VAMP7: variants seen among roughly 807,000 people sequenced by gnomAD.
VAMP7 encodes the protein vesicle associated membrane protein 7.
In VAMP7, 14 loss-of-function variants were observed where a neutral mutation model predicts 29.6. The observed-to-expected ratio is 0.47, with a 90% confidence interval of 0.31 to 0.74. The LOEUF (loss-of-function observed/expected upper bound fraction) is 0.74. Ranked by LOEUF, VAMP7 falls within the 30% of genes least tolerant of loss-of-function variation. The probability of loss-of-function intolerance (pLI) is 0.05; values close to 1 mark genes in which losing one functional copy is unlikely to be tolerated. For synonymous variants in VAMP7, 95 were observed against 88.1 expected (o/e 1.08, Z -0.44); for missense variants, 223 against 262.4 (o/e 0.85, Z 1.04).
chrX:155,893,652 C>T (rs1175641661), intron 2 of VAMP7, among the ~76,000 whole-genome samples: 2 of 152,184 alleles, frequency 1.3e-5, no homozygotes, highest in Non-Finnish European at 2.9e-5. Context: ...GCTGTGTTCT[C>T]AGGTGGTGGA....
At chrX:155,899,109 T>G (rs2066025657) in intron 4 of VAMP7, among the ~76,000 whole-genome samples, 1 of 152,040 alleles carries the variant, frequency 6.6e-6, no homozygotes, top group Admixed American at 6.6e-5. Context: ...CCTCCATGTA[T>G]AAGTCTTTGT....
intron 5 of VAMP7, among the ~76,000 whole-genome samples, chrX:155,913,986 T>A (rs2066275300): frequency 6.6e-6 from 1 of 152,100 alleles, no homozygotes; most frequent in South Asian, 2.1e-4. Flanking sequence ...ATTCTTCCTA[T>A]CCATGAGCAT....
At position 155,889,700 on chromosome X, in the gene VAMP7, C is replaced by T. The variant is rs2065904606; in HGVS notation, c.146+88C>T. On this transcript the variant is annotated intron_variant, in intron 2 of 7. Transcript: ENST00000286448. ...CGGTAGAAAAGTAGAAAACAAGCTTCTAGGTACATAATTTGAATAAGCTGA... is the reference window on the plus strand; with the variant it reads ...CGGTAGAAAAGTAGAAAACAAGCTTTTAGGTACATAATTTGAATAAGCTGA... The T allele has an allele frequency of 3.5e-6, 5 of 1,414,140 alleles. No individual in the cohort carries two copies. The African/African-American group carries it at 5.7e-5, about 16-fold the overall frequency. 87.6% of individuals were successfully genotyped at this position (1,414,140 alleles called of 1,614,324 possible). A position where few individuals can be genotyped will look rare whatever the true frequency, so the allele number is the denominator to read the frequency against.
At chrX:155,903,430 A>G (rs2066098442) in intron 5 of VAMP7, among the ~76,000 whole-genome samples, 1 of 152,164 alleles carries the variant, frequency 6.6e-6, no homozygotes, top group Admixed American at 6.6e-5. Flanking sequence ...CCTACAAAAT[A>G]GGAGAAAATT....
intron 7 of VAMP7, among the ~76,000 whole-genome samples, chrX:155,940,620 A>G (rs978734558): frequency 6.6e-6 from 1 of 152,180 alleles, no homozygotes; most frequent in Non-Finnish European, 1.5e-5. Context: ...TTTACTGATT[A>G]CTTATTACAT....
chrX:155,916,204 C>G (rs2066310595), intron 5 of VAMP7, among the ~76,000 whole-genome samples: 1 of 151,996 alleles, frequency 6.6e-6, no homozygotes, highest in Admixed American at 6.6e-5. Flanking sequence ...TTTCCATTTG[C>G]TTAGTAAATA....
chrX:155,899,460 T>TA (rs946553807), intron 4 of VAMP7, among the ~76,000 whole-genome samples: 9 of 151,836 alleles, frequency 5.9e-5, no homozygotes, highest in African/African-American at 1.4e-4. Context: ...GTTGTGAGTT[T>TA]AAAAAAAAGC....
At chrX:155,897,502 C>T (rs1283325579) in intron 3 of VAMP7, among the ~76,000 whole-genome samples, 1 of 152,106 alleles carries the variant, frequency 6.6e-6, no homozygotes, top group Admixed American at 6.5e-5. Flanking sequence ...AGAGTCGAGC[C>T]TCATATTTCT....
chrX:155,941,727 C>G (rs753513790), intron 7 of VAMP7, among the ~76,000 whole-genome samples, 156 bp from the exon 8 acceptor site: 1 of 152,174 alleles, frequency 6.6e-6, no homozygotes, highest in South Asian at 2.1e-4. Flanking sequence ...ACACTTCTGT[C>G]TTGGAAAATA....
At chrX:155,913,012 T>C (rs1424173915) in intron 5 of VAMP7, among the ~76,000 whole-genome samples, 1 of 152,190 alleles carries the variant, frequency 6.6e-6, no homozygotes, top group Admixed American at 6.5e-5. Context: ...CCACATCCTC[T>C]CCAGCATCTG....
chrX:155,902,077 T>A (rs1396190844), intron 5 of VAMP7, among the ~76,000 whole-genome samples: 1 of 152,134 alleles, frequency 6.6e-6, no homozygotes. Flanking sequence ...CTCCTTGAAG[T>A]GGTCCTTCAC....
chrX:155,916,339 C>T (rs939359138), intron 5 of VAMP7, among the ~76,000 whole-genome samples: 56 of 152,102 alleles, frequency 3.7e-4, no homozygotes, highest in African/African-American at 1.3e-3. Context: ...TTATTTGGGG[C>T]ATTTACCCCA....
At chrX:155,921,010 G>C (rs938956066) in intron 6 of VAMP7, among the ~76,000 whole-genome samples, 6 of 152,164 alleles carry the variant, frequency 3.9e-5, no homozygotes, top group South Asian at 4.2e-4. Context: ...CCCATTGCTG[G>C]GGAGCAAAGA....
At chrX:155,936,052 C>T (rs1027894715) in intron 6 of VAMP7, among the ~76,000 whole-genome samples, 1 of 118,114 alleles carries the variant, frequency 8.5e-6, no homozygotes, top group African/African-American at 3.4e-5. Context: ...TCTGATCGTT[C>T]CTCTGGAGGT....
intron 5 of VAMP7, among the ~76,000 whole-genome samples, chrX:155,908,167 C>T (rs971066072): frequency 6.6e-6 from 1 of 152,234 alleles, no homozygotes; most frequent in African/African-American, 2.4e-5. Flanking sequence ...GGCGGCTGGG[C>T]AGAGGCTGCA....
chrX:155,881,870 T>G (rs1440633928), intron 1 of VAMP7, among the ~76,000 whole-genome samples: 1 of 152,180 alleles, frequency 6.6e-6, no homozygotes, highest in Non-Finnish European at 1.5e-5. Flanking sequence ...TAGCCCCTTA[T>G]TCGCCCTTCC....
At chrX:155,904,827 A>G (rs1220734364) in intron 5 of VAMP7, among the ~76,000 whole-genome samples, 1 of 151,064 alleles carries the variant, frequency 6.6e-6, no homozygotes, top group Non-Finnish European at 1.5e-5. Context: ...TCATTAGTTC[A>G]TGGTCTGGTT....
intron 6 of VAMP7, among the ~76,000 whole-genome samples, chrX:155,925,033 T>C (rs1015143128): frequency 1.3e-4 from 20 of 152,356 alleles, no homozygotes; most frequent in Non-Finnish European, 2.5e-4. Flanking sequence ...CATTAAAGTT[T>C]TATCAAGAAA....
Position 155,889,615 on chromosome X carries a change from G to A in VAMP7, c.146+3G>A. The A allele has an allele frequency of 6.2e-7, 1 of 1,613,812 alleles. No individual in the cohort carries two copies. Among genetic ancestry groups the A allele is most frequent in the Non-Finnish European group, 8.5e-7 (1 of 1,179,800 alleles). ...AAACTAACGTACTCACATGGCAAGT[G>A]AGTTCTGTTCTGCATGTGGTAAGGG... is the stretch of plus-strand genomic sequence containing the variant. On this transcript the variant is annotated splice_donor_region_variant and intron_variant, in intron 2 of 7. Coordinates refer to ENST00000286448, the MANE Select transcript of VAMP7 (RefSeq NM_005638.6).
Sources: gnomAD v4.1 joint callset for allele counts (sites outside exome capture counted in the v4.1 genomes callset) on GRCh38, gnomAD v4.1.1 for gene constraint, MANE v1.5 for transcripts, NCBI Gene and HGNC (gene_info 2026-07-23, HGNC 2026-07-21) for gene names.